Variants in SCRG1 observed in about 807,000 individuals in gnomAD.
SCRG1 encodes stimulator of chondrogenesis 1.
Under a neutral mutation model 7.7 loss-of-function variants are expected in SCRG1, and 3 were observed. That is an observed-to-expected ratio of 0.39 (90% CI 0.18 to 1.01). The LOEUF (loss-of-function observed/expected upper bound fraction) is 1.01. Among genes scored for constraint, SCRG1 ranks in the 50% least tolerant of loss-of-function variants. The pLI, the probability that SCRG1 is intolerant of heterozygous loss-of-function variation, is 0.36. For missense variants in SCRG1, 110 were observed against 117.2 expected (o/e 0.94, Z 0.28); for synonymous variants, 46 against 41.2 (o/e 1.12, Z -0.44).
the SCRG1 span, chr4:173,419,725 A>T: frequency 9.5e-7 from 1 of 1,056,298 alleles, no homozygotes; most frequent in Non-Finnish European, 1.5e-6. Flanking sequence ...TAGTTCTGGC[A>T]AGGTCTGCGA....
the SCRG1 span, among the ~76,000 whole-genome samples, chr4:173,413,115 C>CAA: frequency 2.9e-5 from 4 of 135,608 alleles, no homozygotes; most frequent in Admixed American, 2.9e-4. Flanking sequence ...GTTGCATTTC[C>CAA]AAAAAAAAAA....
intron 1 of SCRG1, among the ~76,000 whole-genome samples, chr4:173,394,760 C>T (rs1739551695): frequency 6.6e-6 from 1 of 152,170 alleles, no homozygotes; most frequent in Admixed American, 6.5e-5. Context: ...TTTGATGTCA[C>T]AATTTACATC....
At chr4:173,443,988 T>TGTGTGTGTGTG in the SCRG1 span, among the ~76,000 whole-genome samples, 2 of 131,464 alleles carry the variant, frequency 1.5e-5, no homozygotes, top group Admixed American at 7.7e-5. Context: ...TGTGTGTGTG[T>TGTGTGTGTGTG]TTGAGATGGA....
At chr4:173,428,997 T>C in the SCRG1 span, among the ~76,000 whole-genome samples, 3 of 152,222 alleles carry the variant, frequency 2.0e-5, no homozygotes, top group Non-Finnish European at 4.4e-5. Context: ...AAAAAATGTA[T>C]TGTTGGGTTT....
At chr4:173,462,197 C>T in the SCRG1 span, among the ~76,000 whole-genome samples, 1 of 152,114 alleles carries the variant, frequency 6.6e-6, no homozygotes, top group Non-Finnish European at 1.5e-5. Flanking sequence ...TATCCAAGTA[C>T]AACAAGGTTA....
the SCRG1 span, chr4:173,446,499 G>A: frequency 2.0e-5 from 3 of 152,038 alleles, no homozygotes; most frequent in African/African-American, 7.2e-5. Flanking sequence ...ATATGTTTTG[G>A]TTTTGGAGGA....
chr4:173,495,139 C>T, the SCRG1 span, among the ~76,000 whole-genome samples: 3 of 152,218 alleles, frequency 2.0e-5, no homozygotes, highest in African/African-American at 7.2e-5. Flanking sequence ...AGGAGAGTGC[C>T]TTAGACATTA....
At chr4:173,449,324 T>C in the SCRG1 span, among the ~76,000 whole-genome samples, 2 of 152,126 alleles carry the variant, frequency 1.3e-5, no homozygotes, top group African/African-American at 4.8e-5. Flanking sequence ...TCATCCTTTG[T>C]AGTCAAGGAT....
At chr4:173,409,921 G>A (rs1578973474), upstream of SCRG1, among the ~76,000 whole-genome samples, 1 of 152,230 alleles carries the variant, frequency 6.6e-6, no homozygotes, top group Non-Finnish European at 1.5e-5. Context: ...CCAATATTAG[G>A]TGAGTGGATA....
Position 173,394,640 on chromosome 4 carries a change from G to A in SCRG1, c.-14-3212C>T, listed in dbSNP as rs557652991. Among the ~76,000 whole-genome samples the A allele has an allele frequency of 4.2e-3, 583 of 138,744 alleles. 3 individuals are homozygous for A. Among genetic ancestry groups the A allele is most frequent in the Non-Finnish European group, 7.4e-3 (452 of 61,034 alleles). The allele number at this position is 138,744 out of a possible 152,430, so 91.0% of individuals were successfully genotyped here. On this transcript the variant is annotated intron_variant, in intron 1 of 2. Transcript: ENST00000296506. ...AGTCTGGGTGACAGAGAGAGACTCC[G>A]TCTCAAAAAAAAAATTATAATTATA... is the stretch of plus-strand genomic sequence containing the variant.
At chr4:173,499,734 G>A in the SCRG1 span, among the ~76,000 whole-genome samples, 2 of 152,152 alleles carry the variant, frequency 1.3e-5, no homozygotes, top group East Asian at 3.8e-4. This position sits in a 1 kb window ranked among gnomAD's most constrained non-coding sequence, Gnocchi z 4.1. Flanking sequence ...GCAGCCAACT[G>A]CCTCACGTGA....
chr4:173,418,716 G>A, the SCRG1 span, among the ~76,000 whole-genome samples: 1 of 152,174 alleles, frequency 6.6e-6, no homozygotes, highest in Non-Finnish European at 1.5e-5. Flanking sequence ...GGAGGGGCCA[G>A]GTGGGAAGTG....
At chr4:173,404,915 A>G (rs924337854) in intron 1 of SCRG1, among the ~76,000 whole-genome samples, 1 of 152,198 alleles carries the variant, frequency 6.6e-6, no homozygotes, top group African/African-American at 2.4e-5. Context: ...ATTTACAGAA[A>G]AACTGTTAGC....
chr4:173,396,138 G>T (rs1739596158), intron 1 of SCRG1, among the ~76,000 whole-genome samples: 2 of 152,190 alleles, frequency 1.3e-5, no homozygotes, highest in Admixed American at 1.3e-4. Flanking sequence ...TGGCTTGAAT[G>T]GTGTTGTCAT....
the SCRG1 span, chr4:173,469,990 T>C: frequency 1.3e-5 from 2 of 152,112 alleles, no homozygotes; most frequent in African/African-American, 4.8e-5. Context: ...TCTTGTCTTC[T>C]GCTGGGAGGC....
At chr4:173,407,810 T>A (rs1243322215), upstream of SCRG1, among the ~76,000 whole-genome samples, 1 of 152,222 alleles carries the variant, frequency 6.6e-6, no homozygotes, top group Non-Finnish European at 1.5e-5. Context: ...TTAGGGCAGT[T>A]TAGCAGTATT....
the SCRG1 span, among the ~76,000 whole-genome samples, chr4:173,462,030 AG>A: frequency 6.6e-6 from 1 of 152,174 alleles, no homozygotes; most frequent in Non-Finnish European, 1.5e-5. Flanking sequence ...AAGATCCTGC[AG>A]GATCTATATA....
chr4:173,394,472 G>A (rs1739540856), intron 1 of SCRG1, among the ~76,000 whole-genome samples: 1 of 152,142 alleles, frequency 6.6e-6, no homozygotes, highest in Non-Finnish European at 1.5e-5. Flanking sequence ...GTGAAACCCT[G>A]TCTCTACTAA....
the SCRG1 span, among the ~76,000 whole-genome samples, chr4:173,487,452 C>T: frequency 6.6e-6 from 1 of 152,142 alleles, no homozygotes; most frequent in Non-Finnish European, 1.5e-5. Context: ...CTTTGAAAAT[C>T]TCAGAAGACA....
Sources: allele counts gnomAD v4.1 joint callset (sites outside exome capture counted in the v4.1 genomes callset), GRCh38; gene constraint gnomAD v4.1.1; non-coding constraint Gnocchi (gnomAD v3.1); transcripts MANE v1.5; gene names NCBI Gene and HGNC (gene_info 2026-07-23, HGNC 2026-07-21).